Variants in TANC2 observed in about 807,000 individuals in gnomAD.
TANC2 encodes protein TANC2.
In TANC2, 26 loss-of-function variants were observed where a neutral mutation model predicts 210.5. The ratio of observed to expected loss-of-function variants is 0.12; its 90% confidence interval spans 0.09 to 0.17. The LOEUF is 0.17. Among genes scored for constraint, TANC2 ranks in the 10% least tolerant of loss-of-function variants. The pLI is 1.00. For missense variants in TANC2, 2,129 were observed against 2,608.9 expected, an observed-to-expected ratio of 0.82 and a Z score of 4.01; for synonymous variants, 931 against 967.1, an observed-to-expected ratio of 0.96 and a Z score of 0.69.
At chr17:63,032,986 C>G (rs2034832769) in intron 2 of TANC2, among the ~76,000 whole-genome samples, 1 of 152,128 alleles carries the variant, frequency 6.6e-6, no homozygotes, top group Non-Finnish European at 1.5e-5. Context: ...GTCAGAACAG[C>G]TCACAGAAAT....
At chr17:63,332,686 G>C (rs1000657123) in intron 11 of TANC2, 1 of 168,690 alleles carries the variant, frequency 5.9e-6, no homozygotes, top group Non-Finnish European at 1.3e-5. Context: ...GCCTTCTGTG[G>C]GTAGCTGGTG....
chr17:63,000,206 C>T (rs985909241), intron 1 of TANC2, among the ~76,000 whole-genome samples: 3 of 152,128 alleles, frequency 2.0e-5, no homozygotes, highest in Non-Finnish European at 4.4e-5. Flanking sequence ...CAAATCTGCC[C>T]ATGTCCCCTT....
intron 1 of TANC2, among the ~76,000 whole-genome samples, chr17:62,969,222 A>C (rs1045279945): frequency 6.6e-6 from 1 of 152,196 alleles, no homozygotes; most frequent in African/African-American, 2.4e-5. Flanking sequence ...ATCAGTTCCA[A>C]CACCCTATGA....
intron 5 of TANC2, among the ~76,000 whole-genome samples, chr17:63,174,262 T>A (rs2040502370): frequency 1.3e-5 from 2 of 152,222 alleles, no homozygotes; most frequent in African/African-American, 4.8e-5. Flanking sequence ...TTACAGTACT[T>A]CTAGTTTTAC....
chr17:62,985,724 T>C (rs1382260240), intron 1 of TANC2, among the ~76,000 whole-genome samples: 2 of 152,238 alleles, frequency 1.3e-5, no homozygotes, highest in East Asian at 1.9e-4. Context: ...TTCTGTCTTA[T>C]GATACCTATC....
At chr17:63,318,985 C>T (rs2045407250) in exon 11 of TANC2, 2 of 1,613,332 alleles carry the variant, frequency 1.2e-6, no homozygotes, top group South Asian at 1.1e-5. Context: ...AGCTGCCACT[C>T]ACACAGCCAC....
chr17:62,982,647 A>G (rs1298235838), intron 1 of TANC2, among the ~76,000 whole-genome samples: 1 of 152,140 alleles, frequency 6.6e-6, no homozygotes, highest in Non-Finnish European at 1.5e-5. Flanking sequence ...CCTGACTCCA[A>G]TAATCCTTTA....
At chr17:63,163,520 G>GGATT (rs2040100093) in intron 5 of TANC2, among the ~76,000 whole-genome samples, 1 of 152,140 alleles carries the variant, frequency 6.6e-6, no homozygotes, top group Non-Finnish European at 1.5e-5. Flanking sequence ...TGATGATGTA[G>GGATT]GATTTTAAGC....
chr17:63,333,422 T>G (rs1462754378), intron 11 of TANC2, among the ~76,000 whole-genome samples: 4 of 152,208 alleles, frequency 2.6e-5, no homozygotes, highest in African/African-American at 9.7e-5. Context: ...ACTAGAATTG[T>G]AAGTGGAGCC....
intron 9 of TANC2, among the ~76,000 whole-genome samples, chr17:63,270,231 A>G (rs1479768788): frequency 1.3e-5 from 2 of 152,160 alleles, no homozygotes; most frequent in African/African-American, 4.8e-5. Flanking sequence ...ATGTTATCTT[A>G]ATTATTGTTT....
intron 2 of TANC2, among the ~76,000 whole-genome samples, chr17:63,070,315 T>G (rs2036351493): frequency 6.6e-6 from 1 of 152,198 alleles, no homozygotes; most frequent in South Asian, 2.1e-4. Flanking sequence ...ATGTAACATG[T>G]AATTAAGCAG....
At chr17:63,267,007 G>A (rs545898435) in intron 8 of TANC2, among the ~76,000 whole-genome samples, 25 of 151,952 alleles carry the variant, frequency 1.6e-4, no homozygotes, top group African/African-American at 5.5e-4. Context: ...ACACCACCAC[G>A]CCTGGCTAAT....
At chr17:63,016,835 C>A (rs73339688) in intron 2 of TANC2, among the ~76,000 whole-genome samples, 1 of 151,950 alleles carries the variant, frequency 6.6e-6, no homozygotes, top group Non-Finnish European at 1.5e-5. Context: ...CATTAATGAT[C>A]GTTTTATGTC....
chr17:63,296,405 G>A (rs770720012), intron 9 of TANC2, among the ~76,000 whole-genome samples: 31 of 152,060 alleles, frequency 2.0e-4, no homozygotes, highest in Non-Finnish European at 2.9e-4. Flanking sequence ...CAACAGTAGG[G>A]CCAAAATAAG....
intron 2 of TANC2, among the ~76,000 whole-genome samples, chr17:63,040,497 G>A (rs551723839): frequency 6.6e-6 from 1 of 152,044 alleles, no homozygotes; most frequent in Non-Finnish European, 1.5e-5. Flanking sequence ...CAGTTGAGAC[G>A]AGATGTTTAC....
At chr17:63,141,535 C>T (rs2039293352) in intron 4 of TANC2, among the ~76,000 whole-genome samples, 1 of 150,832 alleles carries the variant, frequency 6.6e-6, no homozygotes, top group Admixed American at 6.6e-5. Flanking sequence ...CACTGCACTT[C>T]AGCCTGGGTG....
exon 7 of TANC2, chr17:63,200,900 T>G: frequency 6.2e-7 from 1 of 1,613,818 alleles, no homozygotes; most frequent in Non-Finnish European, 8.5e-7. Context: ...GGACTGCAGC[T>G]ATGGGGCTGT....
chr17:63,008,148 A>G (rs1598238899), intron 1 of TANC2, among the ~76,000 whole-genome samples: 1 of 152,102 alleles, frequency 6.6e-6, no homozygotes, highest in East Asian at 1.9e-4. Context: ...CAGTTTGGCT[A>G]TGATTTGCTC....
At chr17:63,367,018 T>C (rs1301068246) in intron 14 of TANC2, among the ~76,000 whole-genome samples, 1 of 152,240 alleles carries the variant, frequency 6.6e-6, no homozygotes, top group African/African-American at 2.4e-5. Flanking sequence ...TGTTAACCTA[T>C]TCTTAATACT....
Sources: allele counts gnomAD v4.1 joint callset (sites outside exome capture counted in the v4.1 genomes callset), GRCh38; gene constraint gnomAD v4.1.1; transcripts MANE v1.5; gene names NCBI Gene and HGNC (gene_info 2026-07-23, HGNC 2026-07-21).